GPHN: variants seen among roughly 807,000 people sequenced by gnomAD.
GPHN encodes the protein gephyrin.
In GPHN, 17 loss-of-function variants were observed where a neutral mutation model predicts 95.5. The ratio of observed to expected loss-of-function variants is 0.18; its 90% CI spans 0.12 to 0.27. The LOEUF (loss-of-function observed/expected upper bound fraction) is 0.27, where lower values mean the gene tolerates loss of function less well. GPHN is among the 10% of genes least tolerant of loss of function. GPHN has a pLI of 1.00. For missense variants in GPHN, 660 were observed against 978.1 expected, an observed-to-expected ratio of 0.67 and a Z score of 4.34; for synonymous variants, 320 against 322.5, an observed-to-expected ratio of 0.99 and a Z score of 0.08.
intron 2 of GPHN, among the ~76,000 whole-genome samples, chr14:66,739,695 A>G (rs952954389): frequency 3.3e-5 from 5 of 152,120 alleles, no homozygotes; most frequent in African/African-American, 1.2e-4. Context: ...ACCATACATT[A>G]TTTACCACTG....
intron 5 of GPHN, among the ~76,000 whole-genome samples, chr14:66,899,129 TTTTTTTTG>T (rs1444303573): frequency 6.6e-6 from 1 of 151,498 alleles, no homozygotes; most frequent in Non-Finnish European, 1.5e-5. Context: ...TTTCTTTTTT[TTTTTTTTG>T]TTTTTTGTTT....
At chr14:67,535,855 C>T in the GPHN span, among the ~76,000 whole-genome samples, 1 of 152,110 alleles carries the variant, frequency 6.6e-6, no homozygotes, top group Non-Finnish European at 1.5e-5. Flanking sequence ...ATGAAATGGC[C>T]ATTTTGAAGG....
chr14:67,530,569 C>G, the GPHN span, among the ~76,000 whole-genome samples: 21 of 152,134 alleles, frequency 1.4e-4, no homozygotes, highest in African/African-American at 5.1e-4. Context: ...TCTGAAGTGC[C>G]CTAATCAGGA....
intron 2 of GPHN, among the ~76,000 whole-genome samples, chr14:66,707,655 G>C (rs539722818): frequency 6.6e-6 from 1 of 152,262 alleles, no homozygotes; most frequent in South Asian, 2.1e-4. Context: ...ACACACACCA[G>C]GGCCTGTTGG....
the GPHN span, among the ~76,000 whole-genome samples, chr14:67,443,445 C>T: frequency 5.3e-5 from 8 of 152,098 alleles, no homozygotes; most frequent in African/African-American, 1.9e-4. Flanking sequence ...GGAAAGAAGG[C>T]ATTTCAAGCC....
chr14:67,720,485 G>A, the GPHN span, among the ~76,000 whole-genome samples: 8 of 152,204 alleles, frequency 5.3e-5, no homozygotes, highest in African/African-American at 1.4e-4. Context: ...TCATACTTAC[G>A]TCTTTGAGGT....
At chr14:67,122,148 A>G (rs1342894891) in intron 16 of GPHN, 108 bp from the exon 17 acceptor site, 2 of 1,012,916 alleles carry the variant, frequency 2.0e-6, no homozygotes, top group East Asian at 2.4e-5. Flanking sequence ...GCCAGATACC[A>G]TTGTAGGTGC....
intron 1 of GPHN, among the ~76,000 whole-genome samples, chr14:66,645,443 T>C (rs936004860): frequency 6.6e-6 from 1 of 152,006 alleles, no homozygotes; most frequent in Non-Finnish European, 1.5e-5. Context: ...TCCCAGCGCT[T>C]TGGGAGGCTG....
intron 2 of GPHN, among the ~76,000 whole-genome samples, chr14:66,694,860 A>G (rs893966384): frequency 6.6e-6 from 1 of 152,204 alleles, no homozygotes; most frequent in Non-Finnish European, 1.5e-5. Flanking sequence ...CAGCAATAAG[A>G]AAATGAACAA....
chr14:67,568,125 A>G, the GPHN span, among the ~76,000 whole-genome samples: 1 of 152,178 alleles, frequency 6.6e-6, no homozygotes, highest in Non-Finnish European at 1.5e-5. Flanking sequence ...GCAGGGGAAA[A>G]AACGTGCCCT....
intron 9 of GPHN, among the ~76,000 whole-genome samples, chr14:66,985,026 C>G (rs1247458289): frequency 6.6e-6 from 1 of 152,118 alleles, no homozygotes; most frequent in Non-Finnish European, 1.5e-5. Flanking sequence ...TCCCGTCTTA[C>G]CCAAGATAGC....
At position 67,167,362 on chromosome 14, in the gene GPHN, A is replaced by G. The variant is rs564576603; in HGVS notation, c.1976-1571A>G. On this transcript the variant is annotated intron_variant, in intron 20 of 22. Transcript: ENST00000478722. ...ATCCTTGATTTACAATGGCTTTTTTATTTGTTGGTTTGGGGTTTTTTTGCT... is the reference window on the plus strand; with the variant it reads ...ATCCTTGATTTACAATGGCTTTTTTGTTTGTTGGTTTGGGGTTTTTTTGCT... Among the ~76,000 whole-genome samples, 4 of 151,824 alleles carry G rather than the reference A, an allele frequency of 2.6e-5. No individual in the cohort carries two copies. The East Asian group carries it at 7.8e-4, about 29-fold the overall frequency.
chr14:67,193,086 CTATATCTCTA>C, the GPHN span, among the ~76,000 whole-genome samples: 30 of 142,870 alleles, frequency 2.1e-4, no homozygotes, highest in African/African-American at 7.0e-4. Flanking sequence ...ATATATCTAT[CTATATCTCTA>C]TATATCTCTA....
intron 1 of GPHN, among the ~76,000 whole-genome samples, chr14:66,583,178 G>A (rs2061268589): frequency 6.6e-6 from 1 of 152,066 alleles, no homozygotes; most frequent in Non-Finnish European, 1.5e-5. Flanking sequence ...CTGCATAAAT[G>A]TCTTCTTTTG....
chr14:66,751,903 T>A (rs2058379109), intron 2 of GPHN, among the ~76,000 whole-genome samples: 1 of 152,112 alleles, frequency 6.6e-6, no homozygotes, highest in Admixed American at 6.6e-5. Context: ...GTATTTAAGG[T>A]TGTCTTATCT....
chr14:66,574,680 ATTTG>A (rs370451398), intron 1 of GPHN, among the ~76,000 whole-genome samples: 1 of 152,154 alleles, frequency 6.6e-6, no homozygotes, highest in African/African-American at 2.4e-5. Context: ...TCTAGAGAAG[ATTTG>A]TTTGTGTGTC....
intron 4 of GPHN, among the ~76,000 whole-genome samples, chr14:66,840,725 T>C (rs1596100947): frequency 8.0e-6 from 1 of 125,452 alleles, no homozygotes; most frequent in Non-Finnish European, 1.6e-5. Flanking sequence ...ACTTATAGAG[T>C]GCAGGCCATA....
In GPHN at chr14:66,805,941, G is replaced by A. The variant is rs141813302; in HGVS notation, c.202-18533G>A. Among the ~76,000 whole-genome samples the A allele has an allele frequency of 7.2e-5, 11 of 152,336 alleles. No individual in the cohort carries two copies. The East Asian group carries it at 2.1e-3, about 29-fold the overall frequency. On this transcript the variant is annotated intron_variant, in intron 3 of 22. Transcript: ENST00000478722. ...CACAGCTCTGCTAGGCACTGCCCCA[G>A]TAGGGACCCTGTGGAGGCTCCAACC... is the stretch of plus-strand genomic sequence containing the variant.
intron 1 of GPHN, among the ~76,000 whole-genome samples, chr14:66,640,101 G>A (rs191642301): frequency 7.2e-5 from 11 of 152,152 alleles, no homozygotes; most frequent in Non-Finnish European, 1.5e-4. Flanking sequence ...ATTGATTTGT[G>A]TGTGAGATAA....
Sources: gnomAD v4.1 joint callset for allele counts (sites outside exome capture counted in the v4.1 genomes callset) on GRCh38, gnomAD v4.1.1 for gene constraint, MANE v1.5 for transcripts, NCBI Gene and HGNC (gene_info 2026-07-23, HGNC 2026-07-21) for gene names.